The following SDC1 variants were observed in gnomAD, a reference collection of about 807,000 sequenced individuals.
SDC1 encodes the protein syndecan-1.
In SDC1, 14 loss-of-function variants were observed where a neutral mutation model predicts 29.7. The ratio of observed to expected loss-of-function variants is 0.47; its 90% CI spans 0.31 to 0.74. The LOEUF (loss-of-function observed/expected upper bound fraction) is 0.74, where lower values mean the gene tolerates loss of function less well. Ranked by LOEUF, SDC1 falls within the 30% of genes least tolerant of loss-of-function variation. The probability of loss-of-function intolerance (pLI) is 0.05; values close to 1 mark genes in which losing one functional copy is unlikely to be tolerated. For synonymous variants in SDC1, 204 were observed against 175.5 expected, an observed-to-expected ratio of 1.16 and a Z score of -1.29; for missense variants, 406 against 400.3, an observed-to-expected ratio of 1.01 and a Z score of -0.12.
At chr2:20,218,460 G>A (rs2148295382) in intron 1 of SDC1, among the ~76,000 whole-genome samples, 1 of 152,300 alleles carries the variant, frequency 6.6e-6, no homozygotes, top group South Asian at 2.1e-4. Context: ...AGGCAAGTCA[G>A]GAGTGCCCAG....
chr2:20,205,176 AC>A (rs878925036), intron 2 of SDC1, among the ~76,000 whole-genome samples, 166 bp downstream of exon 2: 1 of 152,224 alleles, frequency 6.6e-6, no homozygotes, highest in South Asian at 2.1e-4. Flanking sequence ...CAGCTCACGG[AC>A]CCCATTCCTC....
intron 1 of SDC1, among the ~76,000 whole-genome samples, chr2:20,207,210 G>A (rs1677302715): frequency 6.6e-6 from 1 of 152,180 alleles, no homozygotes; most frequent in African/African-American, 2.4e-5. Context: ...TAGGTCAGAG[G>A]GAAGCGTCAG....
chr2:20,223,557 G>A (rs1018787342), intron 1 of SDC1, among the ~76,000 whole-genome samples: 2 of 152,208 alleles, frequency 1.3e-5, no homozygotes, highest in African/African-American at 4.8e-5. Context: ...GGGGATGGCC[G>A]AGCCGGCCCG....
rs1677031679 is a variant in SDC1, at chr2:20,202,176, C to T, written c.*590G>A. 1.5e-5 allele frequency: 10 copies of T among 682,322 alleles called. 1 individual carries two copies. The highest frequency in any genetic ancestry group is 8.2e-5 in the South Asian group (5 of 60,932). 42.3% of individuals were successfully genotyped at this position (682,322 alleles called of 1,614,324 possible). A position where few individuals can be genotyped will look rare whatever the true frequency, so the allele number is the denominator to read the frequency against. On this transcript the variant is annotated 3_prime_UTR_variant, in exon 5 of 5. Transcript: ENST00000254351. ...TTAGGGAAGCAAGATGGGGGGATAC[C>T]GAATCAACTTACTTAACTTACCTCA...
At chr2:20,223,484 C>T in intron 1 of SDC1, 1 of 336,450 alleles carries the variant, frequency 3.0e-6, no homozygotes, top group Non-Finnish European at 5.8e-6. Flanking sequence ...GATGTAGTGG[C>T]GAGACACCGC....
intron 1 of SDC1, among the ~76,000 whole-genome samples, chr2:20,208,706 A>AACCTGGGT (rs1316664750): frequency 6.6e-6 from 1 of 152,128 alleles, no homozygotes; most frequent in Non-Finnish European, 1.5e-5. Flanking sequence ...CATCATCTCC[A>AACCTGGGT]ACCTGGGTGC....
rs1437070266 is a variant in SDC1, at chr2:20,203,828, C to A, written c.612G>T (p.Glu204Asp). 6.3e-7 allele frequency: 1 copy of A among 1,592,478 alleles called. No individual in the cohort carries two copies. The highest frequency in any genetic ancestry group is 1.4e-5 in the African/African-American group (1 of 73,172). Residue 204 changes from glutamate to aspartate, a missense_variant, in exon 3 of 5, where the codon GAG becomes GAT. Physicochemically the swap from Glu to Asp is conservative, Grantham distance 45. Coordinates refer to ENST00000254351, the MANE Select transcript of SDC1 (RefSeq NM_002997.5). Reference protein sequence around the residue: ...DGASSQLPAAEGSGEQDFTFE... With the variant: ...DGASSQLPAADGSGEQDFTFE... ...GGCCACTCACCTGCTCCCCAGAGCC[C>A]TCTGCTGCTGGGAGCTGACTGGAGG...
Position 20,203,928 on chromosome 2 carries a change from C to T in SDC1, c.512G>A (p.Ser171Asn). 7 of 1,614,004 alleles carry T rather than the reference C, an allele frequency of 4.3e-6. No homozygotes were observed. The highest frequency in any genetic ancestry group is 5.9e-6 in the Non-Finnish European group (7 of 1,179,990). Residue 171 changes from serine to asparagine, a missense_variant, in exon 3 of 5, where the codon AGC becomes AAC. By Grantham distance (46) the Ser-to-Asn change is conservative (BLOSUM62 1). Coordinates refer to ENST00000254351, the MANE Select transcript of SDC1 (RefSeq NM_002997.5). Reference sequence around the variant, plus strand: ...GTGGGGAGTGTGAAGGTCAGCTTGGCTGGGTCCTGCAGGGGTTGAGGTCTC... The same window carrying T: ...GTGGGGAGTGTGAAGGTCAGCTTGGTTGGGTCCTGCAGGGGTTGAGGTCTC... ...HHETSTPAGP[S>N]QADLHTPHTE...
intron 1 of SDC1, among the ~76,000 whole-genome samples, chr2:20,216,966 G>C (rs1177955331): frequency 6.6e-6 from 1 of 152,120 alleles, no homozygotes; most frequent in Non-Finnish European, 1.5e-5. Flanking sequence ...GCCACCGTGG[G>C]GAAGAGTTCC....
At chr2:20,211,766 C>T (rs1283891325) in intron 1 of SDC1, among the ~76,000 whole-genome samples, 1 of 152,246 alleles carries the variant, frequency 6.6e-6, no homozygotes, top group Non-Finnish European at 1.5e-5. Context: ...TGGGAGGGCA[C>T]GGGAGAAAAA....
intron 1 of SDC1, among the ~76,000 whole-genome samples, chr2:20,206,200 G>A (rs1426099206): frequency 6.6e-6 from 1 of 152,242 alleles, no homozygotes; most frequent in Non-Finnish European, 1.5e-5. Flanking sequence ...AAGGGGCCCT[G>A]CACTGACAAG....
chr2:20,223,283 AAAG>A, intron 1 of SDC1: 2 of 1,297,624 alleles, frequency 1.5e-6, no homozygotes, highest in Non-Finnish European at 2.0e-6. Flanking sequence ...CAGACTCTGT[AAAG>A]AAAAAAAAAA....
intron 1 of SDC1, chr2:20,207,367 G>A (rs1412923748): frequency 9.2e-6 from 9 of 980,450 alleles, no homozygotes; most frequent in Middle Eastern, 5.2e-4. Context: ...GTCACATTCC[G>A]CCAAGGCTCA....
At chr2:20,208,321 G>A (rs984553443) in intron 1 of SDC1, among the ~76,000 whole-genome samples, 9 of 152,172 alleles carry the variant, frequency 5.9e-5, no homozygotes, top group South Asian at 2.1e-4. Flanking sequence ...CCCTCAGTTC[G>A]GCTGGCTTAT....
At chr2:20,215,415 G>T (rs536435252) in intron 1 of SDC1, among the ~76,000 whole-genome samples, 5 of 152,374 alleles carry the variant, frequency 3.3e-5, no homozygotes, top group Admixed American at 3.3e-4. Flanking sequence ...AGAGAGCAAA[G>T]TCTAGCCTGC....
chr2:20,206,366 A>G (rs1402352228), intron 1 of SDC1, among the ~76,000 whole-genome samples: 1 of 152,024 alleles, frequency 6.6e-6, no homozygotes, highest in Non-Finnish European at 1.5e-5. Context: ...GACTGGCAGG[A>G]CCGGGGGCGG....
At chr2:20,206,356 G>T (rs756711164) in intron 1 of SDC1, among the ~76,000 whole-genome samples, 19 of 152,218 alleles carry the variant, frequency 1.2e-4, no homozygotes, top group Non-Finnish European at 2.6e-4. Flanking sequence ...GGCCGGGGCT[G>T]ACTGGCAGGA....
intron 1 of SDC1, among the ~76,000 whole-genome samples, chr2:20,216,319 T>A (rs995208072): frequency 1.3e-5 from 2 of 152,170 alleles, no homozygotes; most frequent in Non-Finnish European, 2.9e-5. Context: ...CCGCAGGCCC[T>A]GGCCAGCCTT....
chr2:20,221,589 C>T (rs980627054), intron 1 of SDC1, among the ~76,000 whole-genome samples: 6 of 152,112 alleles, frequency 3.9e-5, no homozygotes, highest in Admixed American at 2.0e-4. Flanking sequence ...TAAGAATACT[C>T]GAGGGTAATA....
Sources: gnomAD v4.1 joint callset for allele counts (sites outside exome capture counted in the v4.1 genomes callset) on GRCh38, gnomAD v4.1.1 for gene constraint, MANE v1.5 for transcripts, NCBI Gene and HGNC (gene_info 2026-07-23, HGNC 2026-07-21) for gene names.